Variants in CYP7B1 observed in about 807,000 individuals in gnomAD.
CYP7B1 encodes cytochrome P450 7B1.
A neutral mutation model predicts 42.7 loss-of-function variants in CYP7B1; 29 were observed. The ratio of observed to expected loss-of-function variants is 0.68; its 90% CI spans 0.51 to 0.93. The LOEUF is 0.93. Among genes scored for constraint, CYP7B1 ranks in the 40% least tolerant of loss-of-function variants. The pLI is 0.00. For synonymous variants in CYP7B1, 235 were observed against 218.2 expected, an observed-to-expected ratio of 1.08 and a Z score of -0.68; for missense variants, 655 against 600.5, an observed-to-expected ratio of 1.09 and a Z score of -0.95.
At chr8:64,633,102 T>G (rs1805721181) in intron 1 of CYP7B1, among the ~76,000 whole-genome samples, 1 of 152,090 alleles carries the variant, frequency 6.6e-6, no homozygotes, top group South Asian at 2.1e-4. Context: ...AGAAATAAAT[T>G]TACATTTCTG....
At position 64,718,107 on chromosome 8, in the gene CYP7B1, T is replaced by C. The variant is rs560422421; in HGVS notation, c.122+80359A>G. On this transcript the variant is annotated intron_variant, in intron 1 of 5. Coordinates refer to ENST00000310193, the MANE Select transcript of CYP7B1 (RefSeq NM_004820.5). The stretch of plus-strand genomic sequence containing the variant: ...CTCAAGCTATTTATGTAATATATGT[T>C]GGTATATCTAGTATATGGCATTTCA... Among the ~76,000 whole-genome samples, 5 of 152,140 alleles carry C rather than the reference T, an allele frequency of 3.3e-5. No individual in the cohort carries two copies. In the East Asian group the frequency reaches 9.7e-4, roughly 29 times the overall value.
At chr8:64,694,683 C>T (rs1806797729) in intron 1 of CYP7B1, among the ~76,000 whole-genome samples, 1 of 152,092 alleles carries the variant, frequency 6.6e-6, no homozygotes, top group African/African-American at 2.4e-5. Flanking sequence ...TATTTCTAGT[C>T]ATTTATTTTT....
At chr8:64,780,336 C>A (rs896453226) in intron 1 of CYP7B1, among the ~76,000 whole-genome samples, 1 of 152,198 alleles carries the variant, frequency 6.6e-6, no homozygotes, top group Admixed American at 6.5e-5. Context: ...AGATACTATG[C>A]TAGGTGCTAA....
intron 1 of CYP7B1, among the ~76,000 whole-genome samples, chr8:64,782,185 T>A (rs1804437882): frequency 6.6e-6 from 1 of 152,136 alleles, no homozygotes; most frequent in Admixed American, 6.5e-5. Flanking sequence ...AGGGAAAGAC[T>A]GAGCTGCAGA....
chr8:64,762,450 T>C (rs1450996999), intron 1 of CYP7B1, among the ~76,000 whole-genome samples: 2 of 152,204 alleles, frequency 1.3e-5, no homozygotes, highest in Non-Finnish European at 2.9e-5. Flanking sequence ...ATAATTTATA[T>C]GCAAGGAAAT....
intron 1 of CYP7B1, among the ~76,000 whole-genome samples, chr8:64,784,615 T>A (rs2129695286): frequency 6.6e-6 from 1 of 152,246 alleles, no homozygotes; most frequent in South Asian, 2.1e-4. Flanking sequence ...TTATTCAGGA[T>A]AACAAAATGA....
At chr8:64,704,016 A>T (rs1464316957) in intron 1 of CYP7B1, 1 of 152,070 alleles carries the variant, frequency 6.6e-6, no homozygotes, top group African/African-American at 2.4e-5. Flanking sequence ...TGTTTGCTGC[A>T]CTTTTCTTTC....
intron 1 of CYP7B1, among the ~76,000 whole-genome samples, chr8:64,703,188 T>C (rs1249450482): frequency 6.6e-6 from 1 of 151,962 alleles, no homozygotes; most frequent in East Asian, 1.9e-4. Flanking sequence ...AATTCTATCT[T>C]TTTAAATGCT....
At chr8:64,679,578 T>C (rs1016895504) in intron 1 of CYP7B1, among the ~76,000 whole-genome samples, 3 of 152,142 alleles carry the variant, frequency 2.0e-5, no homozygotes, top group African/African-American at 7.2e-5. Flanking sequence ...CTAACTTCTA[T>C]TTCTATTTCT....
In CYP7B1 at chr8:64,624,548, A is replaced by T; in HGVS notation, c.123-9T>A. On this transcript the variant is annotated splice_polypyrimidine_tract_variant and intron_variant, in intron 1 of 5. Transcript: ENST00000310193. ...GAGGCTCACCGGGTCTCCTACAAGG[A>T]AAAAAAAAAAGATAAAAGAACAAAA... 1.3e-6 allele frequency: 1 copy of T among 762,070 alleles called. No individual in the cohort carries two copies. The allele number at this position is 762,070 out of a possible 1,614,324, so 47.2% of individuals were successfully genotyped here. A position where few individuals can be genotyped will look rare whatever the true frequency, so the allele number is the denominator to read the frequency against.
At chr8:64,695,433 C>G (rs1806809685) in intron 1 of CYP7B1, among the ~76,000 whole-genome samples, 1 of 152,092 alleles carries the variant, frequency 6.6e-6, no homozygotes, top group South Asian at 2.1e-4. Flanking sequence ...ATTACAAAAC[C>G]AGCCCTAAAA....
chr8:64,604,428 C>T (rs1383428106), intron 5 of CYP7B1, among the ~76,000 whole-genome samples: 1 of 152,186 alleles, frequency 6.6e-6, no homozygotes, highest in African/African-American at 2.4e-5. Flanking sequence ...GGCGCAATGT[C>T]CACTTCATTT....
chr8:64,699,927 ACCACTCT>A (rs1325729246), intron 1 of CYP7B1, among the ~76,000 whole-genome samples: 2 of 152,088 alleles, frequency 1.3e-5, no homozygotes, highest in East Asian at 3.9e-4. Context: ...TCTGGAAATG[ACCACTCT>A]CCCATTTTAA....
chr8:64,773,944 A>G (rs567710084), intron 1 of CYP7B1, among the ~76,000 whole-genome samples: 1 of 152,358 alleles, frequency 6.6e-6, no homozygotes, highest in East Asian at 1.9e-4. Flanking sequence ...ATGAGGACAG[A>G]TGCAACATTA....
At chr8:64,735,154 T>C (rs1212052649) in intron 1 of CYP7B1, among the ~76,000 whole-genome samples, 2 of 152,312 alleles carry the variant, frequency 1.3e-5, no homozygotes, top group South Asian at 2.1e-4. Context: ...AAAAACTGCA[T>C]GTTCCCTCAA....
intron 1 of CYP7B1, among the ~76,000 whole-genome samples, chr8:64,671,887 C>T (rs936805082): frequency 6.6e-6 from 1 of 152,074 alleles, no homozygotes; most frequent in African/African-American, 2.4e-5. Flanking sequence ...ACTTAAATAA[C>T]ATCACTAGTC....
intron 1 of CYP7B1, among the ~76,000 whole-genome samples, chr8:64,672,673 T>C (rs1806384061): frequency 1.3e-5 from 2 of 152,062 alleles, no homozygotes; most frequent in Non-Finnish European, 2.9e-5. Context: ...CTCCTATCAG[T>C]AAGGGGAGAT....
At chr8:64,682,971 C>T (rs553549563) in intron 1 of CYP7B1, among the ~76,000 whole-genome samples, 3 of 152,278 alleles carry the variant, frequency 2.0e-5, no homozygotes, top group Admixed American at 2.0e-4. Context: ...GGCCAAAAAC[C>T]TTGATTGAAC....
At chr8:64,689,232 C>T (rs1256604519) in intron 1 of CYP7B1, among the ~76,000 whole-genome samples, 4 of 152,146 alleles carry the variant, frequency 2.6e-5, no homozygotes, top group South Asian at 2.1e-4. Context: ...TCAGAAAATA[C>T]TCATAAGTGA....
Sources: gnomAD v4.1 joint callset for allele counts (sites outside exome capture counted in the v4.1 genomes callset) on GRCh38, gnomAD v4.1.1 for gene constraint, MANE v1.5 for transcripts, NCBI Gene and HGNC (gene_info 2026-07-23, HGNC 2026-07-21) for gene names.